Variants in RHAG observed in about 807,000 individuals in gnomAD.
RHAG encodes the protein ammonium transporter Rh type A.
Under a neutral mutation model 42.4 loss-of-function variants are expected in RHAG, and 25 were observed. The ratio of observed to expected loss-of-function variants is 0.59; its 90% CI spans 0.43 to 0.82. The LOEUF (loss-of-function observed/expected upper bound fraction) is 0.82. Ranked by LOEUF, RHAG falls within the 40% of genes least tolerant of loss-of-function variation. The pLI is 0.00. For missense variants in RHAG, 483 were observed against 504.6 expected (o/e 0.96, Z 0.41); for synonymous variants, 182 against 177.7 (o/e 1.02, Z -0.19).
At chr6:49,612,926 C>T (rs542551271) in intron 5 of RHAG, among the ~76,000 whole-genome samples, 2 of 151,956 alleles carry the variant, frequency 1.3e-5, no homozygotes, top group East Asian at 3.9e-4. Flanking sequence ...CTATGGCCAC[C>T]GTGTGTTTTG....
At chr6:49,628,946 G>C (rs1762889298) in intron 1 of RHAG, among the ~76,000 whole-genome samples, 1 of 152,316 alleles carries the variant, frequency 6.6e-6, no homozygotes, top group African/African-American at 2.4e-5. Context: ...GCCACTGCTG[G>C]CTCAGGTAGC....
At position 49,618,102 on chromosome 6, in the gene RHAG, G is replaced by A; in HGVS notation, c.458C>T (p.Ala153Val). ...TTCACTAACCAGGTATTCATTGTGG[G>A]CAAAGAAAACAATTTCTAAAATTGT... ...IMTILEIVFF[A>V]HNEYLVSEIF... Residue 153 changes from alanine to valine, a missense_variant, in exon 3 of 10, where the codon GCC becomes GTC. Ala to Val is a moderately conservative substitution (Grantham distance 64, BLOSUM62 0). Coordinates refer to ENST00000371175, the MANE Select transcript of RHAG (RefSeq NM_000324.3). 1 of 1,613,802 alleles carries A rather than the reference G, an allele frequency of 6.2e-7. No homozygotes were observed. The highest frequency in any genetic ancestry group is 8.5e-7 in the Non-Finnish European group (1 of 1,179,764).
chr6:49,628,973 A>G (rs867430113), intron 1 of RHAG, among the ~76,000 whole-genome samples: 7 of 152,282 alleles, frequency 4.6e-5, no homozygotes, highest in Middle Eastern at 3.4e-3. Context: ...TTATTCTCTT[A>G]TCTGGCCCCA....
At position 49,615,774 on chromosome 6, in the gene RHAG, G is replaced by A. The variant is rs1429491525; in HGVS notation, c.493-3C>T. The A allele has an allele frequency of 6.2e-7, 1 of 1,614,046 alleles. No individual in the cohort carries two copies. Among genetic ancestry groups the A allele is most frequent in the East Asian group, 2.2e-5 (1 of 44,872 alleles). On this transcript the variant is annotated splice_polypyrimidine_tract_variant and splice_region_variant and intron_variant, in intron 3 of 9. Transcript: ENST00000371175. ...ATTGATGCTCCAATGTCAGAGGCCT[G>A]AGGGACAAAATAGCATTCACATAAA... is the stretch of plus-strand genomic sequence containing the variant.
intron 1 of RHAG, among the ~76,000 whole-genome samples, chr6:49,623,678 T>C (rs540475417): frequency 2.0e-5 from 3 of 152,238 alleles, no homozygotes; most frequent in Middle Eastern, 3.4e-3. Flanking sequence ...GTCCTGAGGG[T>C]ACAGACTAGG....
At chr6:49,629,916 CG>C (rs1180494379) in intron 1 of RHAG, among the ~76,000 whole-genome samples, 2 of 152,190 alleles carry the variant, frequency 1.3e-5, no homozygotes, top group Non-Finnish European at 2.9e-5. Flanking sequence ...CCCCGGTTCC[CG>C]CTCGCGCCTC....
At chr6:49,612,331 C>T in intron 6 of RHAG, 66 bp downstream of exon 6, 2 of 1,536,942 alleles carry the variant, frequency 1.3e-6, no homozygotes, top group Admixed American at 1.7e-5. Context: ...TTTTTTTCTG[C>T]TGGTGGGACA....
intron 5 of RHAG, among the ~76,000 whole-genome samples, chr6:49,613,310 T>C (rs1342205555): frequency 6.6e-6 from 1 of 152,180 alleles, no homozygotes; most frequent in Non-Finnish European, 1.5e-5. Flanking sequence ...CCTCAGGTGA[T>C]CCACCCACCT....
At position 49,606,933 on chromosome 6, in the gene RHAG, G is replaced by A; in HGVS notation, c.1139-12C>T. 1.3e-6 allele frequency: 2 copies of A among 1,586,220 alleles called. No individual in the cohort carries two copies. The highest frequency in any genetic ancestry group is 2.2e-5 in the South Asian group (2 of 90,446). On this transcript the variant is annotated splice_polypyrimidine_tract_variant and intron_variant, in intron 8 of 9. Coordinates refer to ENST00000371175, the MANE Select transcript of RHAG (RefSeq NM_000324.3). ...CTTTAGAATTAAACCTGTGACGGTA[G>A]AGGGAAAATGAGTCATGTTGTGACG...
At position 49,605,291 on chromosome 6, in the gene RHAG, C is replaced by G. The variant is rs1176259149; in HGVS notation, c.*522G>C. ...TGCAAAAGGAATTAAGAATAATATTCATGCAAGGATACAACATTACTAACT... is the reference window on the plus strand; with the variant it reads ...TGCAAAAGGAATTAAGAATAATATTGATGCAAGGATACAACATTACTAACT... On this transcript the variant is annotated 3_prime_UTR_variant, in exon 10 of 10. Transcript: ENST00000371175. The G allele has an allele frequency of 6.3e-6, 1 of 157,608 alleles. No individual in the cohort carries two copies. The highest frequency in any genetic ancestry group is 6.0e-5 in the Admixed American group (1 of 16,534). The allele number at this position is 157,608 out of a possible 1,614,324, so 9.8% of individuals were successfully genotyped here.
intron 7 of RHAG, among the ~76,000 whole-genome samples, chr6:49,608,695 T>A (rs1365435775): frequency 2.0e-5 from 3 of 152,108 alleles, no homozygotes; most frequent in Non-Finnish European, 2.9e-5. Flanking sequence ...TCTTAAGAAC[T>A]TTTCCAAATA....
intron 7 of RHAG, among the ~76,000 whole-genome samples, chr6:49,610,029 T>G (rs910696367): frequency 6.7e-6 from 1 of 149,386 alleles, no homozygotes. Context: ...TGAGAACACA[T>G]GGACACAGGG....
rs1430003530 is a variant in RHAG at position 49,630,617 on chromosome 6, CAAATATTTA to C, written c.157+6030_157+6038del. ...CTAAATATATTATTGTTACATATTT[CAAATATTTA>C]GAAAAGAGAATACAATAAACACTTA... On this transcript the variant is annotated intron_variant, in intron 1 of 9. Coordinates refer to ENST00000371175, the MANE Select transcript of RHAG (RefSeq NM_000324.3). 5.9e-5 allele frequency among the ~76,000 whole-genome samples: 9 copies of C among 152,220 alleles called. No homozygotes were observed. In the South Asian group the frequency reaches 1.9e-3, roughly 32 times the overall value.
At chr6:49,610,004 G>A (rs527867120) in intron 7 of RHAG, among the ~76,000 whole-genome samples, 39 of 152,200 alleles carry the variant, frequency 2.6e-4, no homozygotes, top group African/African-American at 8.7e-4. Flanking sequence ...TCACTTATAA[G>A]TGGGAGTTGA....
intron 1 of RHAG, among the ~76,000 whole-genome samples, chr6:49,622,383 G>A (rs1026319812): frequency 2.6e-5 from 4 of 151,962 alleles, no homozygotes; most frequent in African/African-American, 9.7e-5. Flanking sequence ...TGCCGGACTT[G>A]GTACTTTTAG....
chr6:49,632,723 T>C (rs531739577), intron 1 of RHAG, among the ~76,000 whole-genome samples: 21 of 152,146 alleles, frequency 1.4e-4, no homozygotes, highest in Non-Finnish European at 2.9e-4. Context: ...ATTAATATGA[T>C]TTTAATGTCC....
chr6:49,615,348 G>T, intron 4 of RHAG: 1 of 312,978 alleles, frequency 3.2e-6, no homozygotes, highest in Non-Finnish European at 5.9e-6. Flanking sequence ...GCATAAAGTA[G>T]TATGCAAAAG....
chr6:49,612,053 T>A (rs558492098), intron 6 of RHAG, among the ~76,000 whole-genome samples: 3 of 152,126 alleles, frequency 2.0e-5, no homozygotes, highest in Admixed American at 6.6e-5. Flanking sequence ...TTGGCCGACA[T>A]CCTAAATCTC....
intron 1 of RHAG, chr6:49,632,161 T>G (rs1361773507): frequency 6.6e-6 from 1 of 152,222 alleles, no homozygotes; most frequent in Non-Finnish European, 1.5e-5. Flanking sequence ...TGAATCAGCC[T>G]GGTGAAATAC....
Sources: gnomAD v4.1 joint callset for allele counts (sites outside exome capture counted in the v4.1 genomes callset) on GRCh38, gnomAD v4.1.1 for gene constraint, MANE v1.5 for transcripts, NCBI Gene and HGNC (gene_info 2026-07-23, HGNC 2026-07-21) for gene names.